METTL15: variants seen among roughly 807,000 people sequenced by gnomAD.
METTL15 encodes the protein 12S rRNA N(4)-cytidine methyltransferase METTL15.
Under a neutral mutation model 38.3 loss-of-function variants are expected in METTL15, and 34 were observed. The observed-to-expected ratio is 0.89, with a 90% CI of 0.68 to 1.18. The LOEUF (loss-of-function observed/expected upper bound fraction) is 1.18. Ranked by LOEUF, METTL15 falls within the 50% of genes most tolerant of loss-of-function variation. METTL15 has a pLI of 0.00. For synonymous variants in METTL15, 162 were observed against 170.9 expected, an observed-to-expected ratio of 0.95 and a Z score of 0.41; for missense variants, 438 against 498.4, an observed-to-expected ratio of 0.88 and a Z score of 1.15.
chr11:28,461,470 C>T (rs1851214140), intron 6 of METTL15, among the ~76,000 whole-genome samples: 1 of 151,728 alleles, frequency 6.6e-6, no homozygotes, highest in Non-Finnish European at 1.5e-5. Flanking sequence ...TTTTTTTCTT[C>T]TTCCACATGG....
intron 4 of METTL15, among the ~76,000 whole-genome samples, chr11:28,287,031 T>C (rs1472016400): frequency 2.0e-5 from 3 of 150,860 alleles, no homozygotes; most frequent in African/African-American, 7.3e-5. Context: ...ATATGTACTC[T>C]CCGCACTATA....
intron 3 of METTL15, among the ~76,000 whole-genome samples, chr11:28,165,437 GC>G (rs1426441888): frequency 6.6e-6 from 1 of 152,036 alleles, no homozygotes; most frequent in Non-Finnish European, 1.5e-5. Flanking sequence ...ATGATATAGA[GC>G]TTTTTTCATG....
intron 6 of METTL15, among the ~76,000 whole-genome samples, chr11:28,301,711 C>T (rs1856918849): frequency 6.6e-6 from 1 of 151,776 alleles, no homozygotes. Flanking sequence ...TAATATTTTG[C>T]TTTTTAAATG....
intron 3 of METTL15, among the ~76,000 whole-genome samples, chr11:28,139,883 T>G (rs1849638964): frequency 6.6e-6 from 1 of 152,232 alleles, no homozygotes; most frequent in Admixed American, 6.5e-5. Context: ...TCTAGCTCTA[T>G]GCAAATGGGT....
At chr11:28,233,328 T>C (rs1391753999) in intron 4 of METTL15, among the ~76,000 whole-genome samples, 2 of 152,146 alleles carry the variant, frequency 1.3e-5, no homozygotes, top group African/African-American at 2.4e-5. Context: ...AGGATAGTTA[T>C]AAGACAGAAT....
At chr11:28,475,724 G>A (rs1851340953) in intron 6 of METTL15, among the ~76,000 whole-genome samples, 1 of 152,192 alleles carries the variant, frequency 6.6e-6, no homozygotes, top group Admixed American at 6.5e-5. Context: ...CCCTGAGCTA[G>A]GGAATCTGAG....
chr11:28,124,583 A>G (rs184729763), intron 3 of METTL15, among the ~76,000 whole-genome samples: 1 of 152,152 alleles, frequency 6.6e-6, no homozygotes, highest in Non-Finnish European at 1.5e-5. Flanking sequence ...CTTAGAAATG[A>G]GGGTGGAGAG....
At chr11:28,395,517 A>G (rs565419561) in intron 5 of METTL15, among the ~76,000 whole-genome samples, 17 of 152,224 alleles carry the variant, frequency 1.1e-4, no homozygotes, top group Admixed American at 2.6e-4. Flanking sequence ...GAAATGGTTA[A>G]ATTCCTGGAC....
chr11:28,212,428 C>T (rs370727440), intron 4 of METTL15, among the ~76,000 whole-genome samples: 1 of 152,026 alleles, frequency 6.6e-6, no homozygotes, highest in South Asian at 2.1e-4. Context: ...TTCATATTTG[C>T]GAAACGTTGT....
chr11:28,324,856 A>C lies in METTL15; in HGVS notation c.779-5540A>C, dbSNP rs151120043. On this transcript the variant is annotated intron_variant, in intron 6 of 6. Coordinates refer to ENST00000407364, the MANE Select transcript of METTL15 (RefSeq NM_001113528.2). ...AGAAAGAACAATCGGGGCCGTAGGC[A>C]GGTGAAAGATGATTTTATTTAGCAG... Among the ~76,000 whole-genome samples, 721 of 152,286 alleles carry C rather than the reference A, an allele frequency of 4.7e-3. 5 individuals are homozygous for C. The highest frequency in any genetic ancestry group is 0.016 in the African/African-American group (679 of 41,552).
intron 4 of METTL15, among the ~76,000 whole-genome samples, chr11:28,237,515 C>G (rs1452637711): frequency 6.6e-6 from 1 of 152,098 alleles, no homozygotes; most frequent in Non-Finnish European, 1.5e-5. Flanking sequence ...AAATTTTTTT[C>G]AACGTTTTCA....
At chr11:28,239,822 T>C (rs1357192962) in intron 4 of METTL15, among the ~76,000 whole-genome samples, 1 of 152,214 alleles carries the variant, frequency 6.6e-6, no homozygotes, top group African/African-American at 2.4e-5. Context: ...TCAACTGTAG[T>C]ATTTTATAAT....
At chr11:28,365,622 G>A (rs901100059) in intron 5 of METTL15, among the ~76,000 whole-genome samples, 1 of 151,936 alleles carries the variant, frequency 6.6e-6, no homozygotes, top group Non-Finnish European at 1.5e-5. Flanking sequence ...TAGGACTCTG[G>A]GGCTGGAAAT....
chr11:28,435,635 A>G (rs1406335646), intron 6 of METTL15, among the ~76,000 whole-genome samples: 2 of 152,216 alleles, frequency 1.3e-5, no homozygotes, highest in Admixed American at 6.5e-5. Context: ...ACACCTCTAT[A>G]GAGTCTCAAT....
intron 5 of METTL15, among the ~76,000 whole-genome samples, chr11:28,371,527 T>C (rs945002874): frequency 6.6e-6 from 1 of 152,064 alleles, no homozygotes; most frequent in Non-Finnish European, 1.5e-5. Flanking sequence ...TGTGGTTCCG[T>C]ATACTTTTTT....
intron 4 of METTL15, among the ~76,000 whole-genome samples, chr11:28,235,757 G>A (rs1422689118): frequency 1.3e-5 from 2 of 152,084 alleles, no homozygotes; most frequent in Admixed American, 6.6e-5. Flanking sequence ...TGCAAACAGG[G>A]ACAATTTGAC....
At chr11:28,339,980 A>G (rs970492149) in intron 3 of METTL15, among the ~76,000 whole-genome samples, 1 of 152,162 alleles carries the variant, frequency 6.6e-6, no homozygotes, top group African/African-American at 2.4e-5. Flanking sequence ...GTAAATACAG[A>G]ACTAAGAGTA....
intron 3 of METTL15, among the ~76,000 whole-genome samples, chr11:28,181,370 C>T (rs537482615): frequency 4.6e-5 from 7 of 150,576 alleles, no homozygotes; most frequent in Admixed American, 2.0e-4. Context: ...AACCCGTCAT[C>T]TACAATAGGT....
intron 6 of METTL15, among the ~76,000 whole-genome samples, chr11:28,311,186 G>T (rs1406591838): frequency 1.3e-5 from 2 of 152,032 alleles, no homozygotes; most frequent in Admixed American, 6.6e-5. Context: ...CTACTTAATG[G>T]TTATGTGACT....
Sources: allele counts gnomAD v4.1 joint callset (sites outside exome capture counted in the v4.1 genomes callset), GRCh38; gene constraint gnomAD v4.1.1; transcripts MANE v1.5; gene names NCBI Gene and HGNC (gene_info 2026-07-23, HGNC 2026-07-21).